SNAP25: variants seen among roughly 807,000 people sequenced by gnomAD.
SNAP25 encodes synaptosome associated protein 25, also known as synaptosomal-associated protein 25.
SNAP25 carries 3 observed loss-of-function variants against 28.7 expected under a neutral mutation model. That is an observed-to-expected ratio of 0.10 (90% CI 0.05 to 0.27). The LOEUF is 0.27. SNAP25 is among the 10% of genes least tolerant of loss of function. The pLI is 1.00. For synonymous variants in SNAP25, 61 were observed against 88.1 expected (o/e 0.69, Z 1.72); for missense variants, 117 against 278.7 (o/e 0.42, Z 4.13).
intron 7 of SNAP25, among the ~76,000 whole-genome samples, chr20:10,301,412 T>G (rs1756405798): frequency 6.6e-6 from 1 of 152,126 alleles, no homozygotes; most frequent in Non-Finnish European, 1.5e-5. Flanking sequence ...ATAGCCCCTT[T>G]TTTTTCCAGA....
chr20:10,305,519 G>A (rs1211224879), intron 7 of SNAP25, among the ~76,000 whole-genome samples: 3 of 152,144 alleles, frequency 2.0e-5, no homozygotes, highest in Non-Finnish European at 4.4e-5. Context: ...CCCAGCCTGG[G>A]CATCAGAGCA....
intron 1 of SNAP25, among the ~76,000 whole-genome samples, chr20:10,236,889 G>A (rs1009054940): frequency 2.0e-5 from 3 of 151,814 alleles, no homozygotes; most frequent in African/African-American, 7.3e-5. Flanking sequence ...CTAAAGATGA[G>A]GCCCTGGGCA....
At chr20:10,237,491 G>A (rs363030) in intron 1 of SNAP25, among the ~76,000 whole-genome samples, 4,103 of 152,224 alleles carry the variant, frequency 0.027, 138 homozygotes, top group African/African-American at 0.074. Flanking sequence ...GCACCAACTG[G>A]CTGCTAGAAT....
chr20:10,296,935 A>G lies in SNAP25; in HGVS notation c.292A>G (p.Ser98Gly), dbSNP rs776268294. The G allele has an allele frequency of 6.2e-7, 1 of 1,614,178 alleles. No homozygotes were observed. The highest frequency in any genetic ancestry group is 1.7e-5 in the Admixed American group (1 of 60,020). ...CTCTCTTTTGCATAGGCTTAAATCA[A>G]GTGATGCTTACAAAAAAGCCTGGGG... ...CVCPCNKLKSSDAYKKAWGNN... is the reference protein window; with the variant it reads ...CVCPCNKLKSGDAYKKAWGNN... The change falls in exon 6 of 8, where the codon AGT (serine) becomes GGT (glycine). Residue 98 changes from serine to glycine, a missense_variant. Around this residue, in one of 3 missense-constraint regions of SNAP25, gnomAD observed 88 missense variants for 206.9 expected, o/e 0.43. Coordinates refer to ENST00000254976, the MANE Select transcript of SNAP25 (RefSeq NM_130811.4).
chr20:10,265,069 G>A (rs1463415091), intron 1 of SNAP25, among the ~76,000 whole-genome samples: 1 of 151,682 alleles, frequency 6.6e-6, no homozygotes, highest in Non-Finnish European at 1.5e-5. Flanking sequence ...GATGCAAGAT[G>A]GTATATCAAT....
intron 1 of SNAP25, among the ~76,000 whole-genome samples, chr20:10,242,869 A>T (rs577534010): frequency 6.6e-6 from 1 of 152,382 alleles, no homozygotes; most frequent in South Asian, 2.1e-4. Flanking sequence ...AGGTGCACTT[A>T]ATCAGTACAT....
chr20:10,290,623 T>A (rs570573810), intron 4 of SNAP25, among the ~76,000 whole-genome samples: 1 of 149,478 alleles, frequency 6.7e-6, no homozygotes, highest in African/African-American at 2.5e-5. Context: ...CCCTAATATC[T>A]TGTCAGAGAG....
rs576858299 is a variant in SNAP25, at chr20:10,282,204, G to A, written c.115-2520G>A. Reference sequence around the variant, plus strand: ...GGAAGGAAGGAAGGAAGGAAGGAAGGAAGGAAGGAAGGAAGGAAGGAAGGG... The same window carrying A: ...GGAAGGAAGGAAGGAAGGAAGGAAGAAAGGAAGGAAGGAAGGAAGGAAGGG... On this transcript the variant is annotated intron_variant, in intron 3 of 7. Coordinates refer to ENST00000254976, the MANE Select transcript of SNAP25 (RefSeq NM_130811.4). Among the ~76,000 whole-genome samples the A allele has an allele frequency of 4.1e-5, 6 of 145,744 alleles. No homozygotes were observed. The South Asian group carries it at 1.3e-3, about 32-fold the overall frequency.
At chr20:10,233,516 A>C (rs1600650812) in intron 1 of SNAP25, among the ~76,000 whole-genome samples, 2 of 152,304 alleles carry the variant, frequency 1.3e-5, no homozygotes, top group South Asian at 4.1e-4. Flanking sequence ...TCGTTCCATC[A>C]ATCACAAAAA....
chr20:10,253,605 A>G (rs1409818314), intron 1 of SNAP25, among the ~76,000 whole-genome samples: 1 of 152,140 alleles, frequency 6.6e-6, no homozygotes, highest in African/African-American at 2.4e-5. Context: ...CCTGTGAATG[A>G]GTGGTCGGGC....
chr20:10,300,405 T>G lies in SNAP25; in HGVS notation c.552+993T>G, dbSNP rs144354286. Among the ~76,000 whole-genome samples, 11 of 152,300 alleles carry G rather than the reference T, an allele frequency of 7.2e-5. No individual in the cohort carries two copies. In the East Asian group the frequency reaches 1.2e-3, roughly 16 times the overall value. On this transcript the variant is annotated intron_variant, in intron 7 of 7. Coordinates refer to ENST00000254976, the MANE Select transcript of SNAP25 (RefSeq NM_130811.4). ...TGCTAAAAAGGAGAAAAAGAGACAT[T>G]ATAGATTTAACGATAATTGTACATC...
chr20:10,297,177 T>C (rs972546727), intron 6 of SNAP25, 127 bp downstream of exon 6: 1 of 1,229,202 alleles, frequency 8.1e-7, no homozygotes, highest in Non-Finnish European at 1.1e-6. Context: ...CTAAGTGTTC[T>C]TTTCTAAGCC....
At chr20:10,284,948 G>A (rs1022365311) in intron 4 of SNAP25, among the ~76,000 whole-genome samples, 176 bp downstream of exon 4, 2 of 152,186 alleles carry the variant, frequency 1.3e-5, no homozygotes, top group African/African-American at 2.4e-5. Flanking sequence ...ATTGGTAAAT[G>A]TATGGAAATG....
intron 1 of SNAP25, among the ~76,000 whole-genome samples, chr20:10,224,131 C>G (rs7262675): frequency 0.027 from 4,080 of 152,044 alleles, 184 homozygotes; most frequent in African/African-American, 0.091. Context: ...TGTCGCAGAG[C>G]AGAGCCAAGA....
intron 1 of SNAP25, among the ~76,000 whole-genome samples, chr20:10,268,468 C>T (rs1483233123): frequency 6.6e-6 from 1 of 152,160 alleles, no homozygotes; most frequent in Non-Finnish European, 1.5e-5. Context: ...GTACACTTTC[C>T]TTATGCCTTT....
chr20:10,272,451 G>A (rs2063612391), intron 1 of SNAP25, among the ~76,000 whole-genome samples: 3 of 152,036 alleles, frequency 2.0e-5, no homozygotes, highest in Admixed American at 1.3e-4. Flanking sequence ...ACTTCCCCAC[G>A]GGTCCACTGC....
chr20:10,224,257 C>CTTTTTTTTTTTTTTTTTTATTT (rs2062691061), intron 1 of SNAP25, among the ~76,000 whole-genome samples: 1 of 17,420 alleles, frequency 5.7e-5, no homozygotes, highest in Admixed American at 8.3e-4. Flanking sequence ...ATGTACATGT[C>CTTTTTTTTTTTTTTTTTTATTT]TTTTTTTTTT....
At chr20:10,282,587 A>G (rs548091531) in intron 3 of SNAP25, among the ~76,000 whole-genome samples, 2 of 152,390 alleles carry the variant, frequency 1.3e-5, no homozygotes, top group East Asian at 3.9e-4. Context: ...TGGGTATAAT[A>G]GAATATCAAG....
intron 1 of SNAP25, among the ~76,000 whole-genome samples, chr20:10,226,233 A>G (rs1216491284): frequency 6.6e-6 from 1 of 152,170 alleles, no homozygotes; most frequent in Non-Finnish European, 1.5e-5. Context: ...TGCCAGAAAG[A>G]CTGCTAGGAA....
Sources: gnomAD v4.1 joint callset for allele counts (sites outside exome capture counted in the v4.1 genomes callset) on GRCh38, gnomAD v4.1.1 for gene constraint, gnomAD v4.1.1 regional missense constraint, MANE v1.5 for transcripts, NCBI Gene and HGNC (gene_info 2026-07-23, HGNC 2026-07-21) for gene names.